Variants in ODAD2 observed in about 807,000 individuals in gnomAD.
The protein encoded by ODAD2 is outer dynein arm-docking complex subunit 2.
ODAD2 carries 89 observed loss-of-function variants against 106.8 expected under a neutral mutation model. That is an observed-to-expected ratio of 0.83 (90% CI 0.70 to 0.99). The LOEUF (loss-of-function observed/expected upper bound fraction) is 0.99, where lower values mean the gene tolerates loss of function less well. Ranked by LOEUF, ODAD2 falls within the 50% of genes least tolerant of loss-of-function variation. ODAD2 has a pLI of 0.00. For missense variants in ODAD2, 1,168 were observed against 1,238.5 expected (o/e 0.94, Z 0.85); for synonymous variants, 404 against 436.2 (o/e 0.93, Z 0.92).
At chr10:27,832,544 C>T (rs1284295113) in intron 19 of ODAD2, among the ~76,000 whole-genome samples, 3 of 152,160 alleles carry the variant, frequency 2.0e-5, no homozygotes, top group Non-Finnish European at 4.4e-5. Context: ...CAGACACACA[C>T]ACACACACAT....
chr10:27,906,713 G>A (rs1843617223), intron 17 of ODAD2, among the ~76,000 whole-genome samples: 1 of 152,186 alleles, frequency 6.6e-6, no homozygotes, highest in African/African-American at 2.4e-5. Flanking sequence ...GTCCTTTGCA[G>A]GGACATGGAT....
At chr10:27,864,526 G>GGGGAGTGAGGTGAGAGCA (rs1840292503) in intron 17 of ODAD2, among the ~76,000 whole-genome samples, 1 of 146,744 alleles carries the variant, frequency 6.8e-6, no homozygotes, top group Non-Finnish European at 1.5e-5. Flanking sequence ...AGGTGAGAGC[G>GGGGAGTGAGGTGAGAGCA]GGGAGTGAGG....
chr10:27,951,267 C>T (rs1847308055), intron 10 of ODAD2, among the ~76,000 whole-genome samples: 1 of 152,128 alleles, frequency 6.6e-6, no homozygotes, highest in African/African-American at 2.4e-5. Context: ...TGATTTTCAA[C>T]TCATTCTAAA....
Position 27,939,907 on chromosome 10 carries a change from G to C in ODAD2, c.2087C>G (p.Ala696Gly). The C allele has an allele frequency of 6.2e-7, 1 of 1,600,474 alleles. No homozygotes were observed. Among genetic ancestry groups the C allele is most frequent in the Non-Finnish European group, 8.5e-7 (1 of 1,173,240 alleles). The change falls in exon 14 of 20, where the codon GCC (alanine) becomes GGC (glycine). Residue 696 changes from alanine (A) to glycine (G), a missense_variant. Transcript: ENST00000305242. ...GAGAGTTCACTGCACCTGGTAAATG[G>C]CCATGGCGCAGTGCTCCTGCAGCTG... ...NEQLQEHCAM[A>G]IYQCAEDKET... is the part of the protein sequence containing the mutation.
chr10:27,813,708 C>T (rs1385140946), intron 19 of ODAD2, among the ~76,000 whole-genome samples: 7 of 152,084 alleles, frequency 4.6e-5, no homozygotes, highest in African/African-American at 1.7e-4. Context: ...GTGGCTTTTA[C>T]TCTATAGGTA....
At chr10:27,884,679 GGAGACTGCA>G (rs1841955590) in intron 17 of ODAD2, among the ~76,000 whole-genome samples, 1 of 152,080 alleles carries the variant, frequency 6.6e-6, no homozygotes, top group Non-Finnish European at 1.5e-5. Flanking sequence ...AAAACTTCAG[GGAGACTGCA>G]GACTCACAGA....
intron 19 of ODAD2, among the ~76,000 whole-genome samples, chr10:27,852,017 G>C (rs1003040956): frequency 6.6e-5 from 10 of 152,092 alleles, no homozygotes; most frequent in Admixed American, 3.3e-4. Context: ...TAATAAAATG[G>C]AGCACCATGT....
chr10:27,919,380 TC>T (rs751721941), intron 16 of ODAD2, among the ~76,000 whole-genome samples: 4 of 151,982 alleles, frequency 2.6e-5, no homozygotes, highest in Non-Finnish European at 5.9e-5. Context: ...CAAAAGGAAG[TC>T]TTAATGCTTA....
rs182072898 is a variant in ODAD2, at chr10:27,903,549, C to T, written c.2610+4114G>A. On this transcript the variant is annotated intron_variant, in intron 17 of 19. Coordinates refer to ENST00000305242, the MANE Select transcript of ODAD2 (RefSeq NM_018076.5). ...ATGGCATGATTGTATATTTAGAAAA[C>T]CCATCGTCTCAGCCGAAAATCTCCT... Among the ~76,000 whole-genome samples the T allele has an allele frequency of 7.1e-4, 13 of 18,226 alleles. No homozygotes were observed. In the East Asian group the frequency reaches 0.011, roughly 15 times the overall value. 12.0% of individuals were successfully genotyped at this position (18,226 alleles called of 152,430 possible). A position where few individuals can be genotyped will look rare whatever the true frequency, so the allele number is the denominator to read the frequency against.
intron 16 of ODAD2, among the ~76,000 whole-genome samples, chr10:27,923,945 T>TAAAGAAAGAAAGAAA: frequency 2.2e-5 from 1 of 45,992 alleles, no homozygotes; most frequent in Non-Finnish European, 4.1e-5. Flanking sequence ...CCCTGTCTAA[T>TAAAGAAAGAAAGAAA]GAAAGAAAGA....
Position 27,907,680 on chromosome 10 carries a change from ATGG to A in ODAD2, c.2590_2592del (p.Pro864del). 1 of 1,613,632 alleles carries A rather than the reference ATGG, an allele frequency of 6.2e-7. No homozygotes were observed. The highest frequency in any genetic ancestry group is 8.5e-7 in the Non-Finnish European group (1 of 1,179,678). On this transcript the variant is annotated inframe_deletion, in exon 17 of 20. Transcript: ENST00000305242. ...GTTCTTACCTTTGCATTTTTGATGC[ATGG>A]ACAGAGTGCCCATGCTGCGCTGGCC...
At chr10:27,855,586 G>C (rs887997172) in intron 19 of ODAD2, among the ~76,000 whole-genome samples, 1 of 152,142 alleles carries the variant, frequency 6.6e-6, no homozygotes, top group Non-Finnish European at 1.5e-5. Flanking sequence ...GTGTTTCTAG[G>C]TGACCTTAGT....
intron 17 of ODAD2, among the ~76,000 whole-genome samples, chr10:27,898,883 T>C (rs923025391): frequency 6.6e-6 from 1 of 152,188 alleles, no homozygotes; most frequent in African/African-American, 2.4e-5. Context: ...AATGGGTTTA[T>C]AATAGGTCTC....
At chr10:27,835,495 G>GA (rs951664263) in intron 19 of ODAD2, among the ~76,000 whole-genome samples, 2 of 152,100 alleles carry the variant, frequency 1.3e-5, no homozygotes, top group African/African-American at 4.8e-5. Flanking sequence ...GTTGATGTCT[G>GA]AAAAATGTGA....
At chr10:27,886,218 A>G (rs1425543756) in intron 17 of ODAD2, among the ~76,000 whole-genome samples, 1 of 151,756 alleles carries the variant, frequency 6.6e-6, no homozygotes, top group Non-Finnish European at 1.5e-5. Flanking sequence ...AATCACACCA[A>G]GACACCACAT....
intron 19 of ODAD2, among the ~76,000 whole-genome samples, chr10:27,844,943 G>C (rs1340131962): frequency 6.6e-6 from 1 of 152,160 alleles, no homozygotes; most frequent in Non-Finnish European, 1.5e-5. Flanking sequence ...AAGAAGACAA[G>C]CAGTCTATTA....
At chr10:27,873,867 T>C (rs1381942536) in intron 17 of ODAD2, among the ~76,000 whole-genome samples, 2 of 152,222 alleles carry the variant, frequency 1.3e-5, no homozygotes, top group Non-Finnish European at 2.9e-5. Context: ...AGGTGTCTAT[T>C]AGGTCCACTT....
chr10:27,859,596 T>A (rs1422323525), intron 19 of ODAD2, among the ~76,000 whole-genome samples: 1 of 152,206 alleles, frequency 6.6e-6, no homozygotes, highest in Non-Finnish European at 1.5e-5. Flanking sequence ...AAGATGTAAA[T>A]GCATCTGGTT....
intron 13 of ODAD2, 35 bp from the exon 14 acceptor site, chr10:27,940,042 G>C: frequency 7.1e-7 from 1 of 1,411,618 alleles, no homozygotes; most frequent in Non-Finnish European, 9.8e-7. Context: ...ATGTGTTCAA[G>C]ACGTGAATAT....
Sources: allele counts gnomAD v4.1 joint callset (sites outside exome capture counted in the v4.1 genomes callset), GRCh38; gene constraint gnomAD v4.1.1; transcripts MANE v1.5; gene names NCBI Gene and HGNC (gene_info 2026-07-23, HGNC 2026-07-21).